The following UBE2D2 variants were observed in gnomAD, a reference collection of about 807,000 sequenced individuals.
UBE2D2 encodes ubiquitin-conjugating enzyme E2 D2.
Under a neutral mutation model 24.2 loss-of-function variants are expected in UBE2D2, and 2 were observed. That is an observed-to-expected ratio of 0.08 (90% CI 0.03 to 0.26). The LOEUF (loss-of-function observed/expected upper bound fraction) is 0.26. Ranked by LOEUF, UBE2D2 falls within the 10% of genes least tolerant of loss-of-function variation. The pLI, the probability that UBE2D2 is intolerant of heterozygous loss-of-function variation, is 1.00. For missense variants in UBE2D2, 44 were observed against 177.6 expected, an observed-to-expected ratio of 0.25 and a Z score of 4.28; for synonymous variants, 58 against 56.5, an observed-to-expected ratio of 1.03 and a Z score of -0.12.
At chr5:139,618,254 G>A (rs1335890751) in intron 5 of UBE2D2, among the ~76,000 whole-genome samples, 8 of 152,142 alleles carry the variant, frequency 5.3e-5, no homozygotes, top group Non-Finnish European at 1.2e-4. Context: ...GATTACAGGT[G>A]TGAGCCACTG....
intron 1 of UBE2D2, among the ~76,000 whole-genome samples, chr5:139,591,709 A>G (rs1753849784): frequency 6.6e-6 from 1 of 152,182 alleles, no homozygotes; most frequent in African/African-American, 2.4e-5. Flanking sequence ...AGTTACTAAT[A>G]TTTCCTGAGT....
chr5:139,589,403 T>C (rs1258682508), intron 1 of UBE2D2, among the ~76,000 whole-genome samples: 1 of 152,014 alleles, frequency 6.6e-6, no homozygotes, highest in Non-Finnish European at 1.5e-5. Context: ...TAACAAACAG[T>C]ACAAAAATTT....
intron 1 of UBE2D2, among the ~76,000 whole-genome samples, chr5:139,550,631 A>G (rs1161685235): frequency 7.2e-5 from 11 of 152,030 alleles, no homozygotes; most frequent in Admixed American, 6.6e-4. Context: ...CTTTGGGTAC[A>G]CACTGAGTTT....
intron 1 of UBE2D2, among the ~76,000 whole-genome samples, chr5:139,577,494 A>G (rs1268361477): frequency 2.0e-5 from 3 of 146,874 alleles, no homozygotes; most frequent in South Asian, 2.1e-4. Flanking sequence ...GCTCACTGCA[A>G]TCTCCGCCTC....
intron 1 of UBE2D2, among the ~76,000 whole-genome samples, chr5:139,533,852 G>C (rs983681861): frequency 6.8e-6 from 1 of 148,086 alleles, no homozygotes; most frequent in African/African-American, 2.5e-5. Context: ...GCAGGATATT[G>C]GCTCACAGCA....
intron 6 of UBE2D2, chr5:139,623,704 T>C: frequency 2.9e-6 from 1 of 347,714 alleles, no homozygotes; most frequent in Non-Finnish European, 5.3e-6. Context: ...TTGTTTGTTT[T>C]TTTTTGAGAC....
rs577549872 is a variant in UBE2D2 at position 139,531,196 on chromosome 5, AGGCCTGAAAGCAGGCCTG to A, written c.-64+4591_-64+4608del. 1.4e-4 allele frequency among the ~76,000 whole-genome samples: 21 copies of A among 152,364 alleles called. No homozygotes were observed. The South Asian group carries it at 3.5e-3, about 26-fold the overall frequency. Reference sequence around the variant, plus strand: ...AATCAAAGACAGGCAGCCCGGCACCAGGCCTGAAAGCAGGCCTGGGCCTGCCTGGCCTAAACCCAGTAG... The same window carrying A: ...AATCAAAGACAGGCAGCCCGGCACCAGGCCTGCCTGGCCTAAACCCAGTAG... On this transcript the variant is annotated intron_variant, in intron 1 of 6. Transcript: ENST00000511725.
At chr5:139,610,206 A>G (rs1035331640) in intron 2 of UBE2D2, among the ~76,000 whole-genome samples, 9 of 152,176 alleles carry the variant, frequency 5.9e-5, no homozygotes, top group African/African-American at 1.9e-4. Context: ...TGAAGAGTCT[A>G]CCATACGATA....
intron 1 of UBE2D2, among the ~76,000 whole-genome samples, chr5:139,598,376 C>T (rs993028671): frequency 6.6e-6 from 1 of 151,868 alleles, no homozygotes; most frequent in African/African-American, 2.4e-5. Context: ...CTTTTTGTCT[C>T]AAAAACCAAG....
At chr5:139,531,899 T>C (rs940437035) in intron 1 of UBE2D2, among the ~76,000 whole-genome samples, 13 of 151,204 alleles carry the variant, frequency 8.6e-5, no homozygotes, top group Non-Finnish European at 1.6e-4. Flanking sequence ...GGGTGGGAGG[T>C]TTGCTTGAAC....
At chr5:139,582,666 ATTTT>A (rs1195507116) in intron 1 of UBE2D2, among the ~76,000 whole-genome samples, 1 of 112,324 alleles carries the variant, frequency 8.9e-6, no homozygotes. Flanking sequence ...TTAGATTCGA[ATTTT>A]TTTTTTTTTT....
At chr5:139,532,512 C>T (rs1226921400) in intron 1 of UBE2D2, among the ~76,000 whole-genome samples, 5 of 152,154 alleles carry the variant, frequency 3.3e-5, no homozygotes, top group East Asian at 1.9e-4. Context: ...ACATCACACC[C>T]GGCTAATTTT....
intron 1 of UBE2D2, among the ~76,000 whole-genome samples, chr5:139,580,805 C>T (rs1753586227): frequency 6.6e-6 from 1 of 152,148 alleles, no homozygotes; most frequent in African/African-American, 2.4e-5. Flanking sequence ...CTGGTAGTCT[C>T]AGCTCACTCG....
intron 1 of UBE2D2, among the ~76,000 whole-genome samples, chr5:139,554,537 T>C (rs1752956867): frequency 6.6e-6 from 1 of 152,228 alleles, no homozygotes. Flanking sequence ...AGTGTTCCAT[T>C]GTTTGAATGT....
At chr5:139,603,336 C>T (rs1754120715) in intron 2 of UBE2D2, among the ~76,000 whole-genome samples, 1 of 152,092 alleles carries the variant, frequency 6.6e-6, no homozygotes, top group African/African-American at 2.4e-5. Flanking sequence ...AAATTGTTCC[C>T]TTTGGAGAGT....
intron 1 of UBE2D2, among the ~76,000 whole-genome samples, chr5:139,600,056 C>G (rs1754040780): frequency 6.6e-6 from 1 of 152,060 alleles, no homozygotes; most frequent in Non-Finnish European, 1.5e-5. Flanking sequence ...CCTCAGCCTC[C>G]CAAAGTGCTG....
chr5:139,610,720 A>T (rs1754300682), intron 2 of UBE2D2, among the ~76,000 whole-genome samples: 1 of 151,834 alleles, frequency 6.6e-6, no homozygotes, highest in Non-Finnish European at 1.5e-5. Context: ...AGAAAATAGA[A>T]AAATTAGCTG....
chr5:139,547,539 C>T (rs1299333306), intron 1 of UBE2D2, among the ~76,000 whole-genome samples: 2 of 150,452 alleles, frequency 1.3e-5, no homozygotes, highest in Non-Finnish European at 3.0e-5. Flanking sequence ...GAGATGGAGT[C>T]TTGCCTGTCA....
intron 1 of UBE2D2, among the ~76,000 whole-genome samples, chr5:139,544,878 G>C (rs1752805211): frequency 6.6e-6 from 1 of 151,844 alleles, no homozygotes; most frequent in Admixed American, 6.6e-5. Context: ...CCAGGTTCAA[G>C]CGATTCTCCT....
Sources: allele counts gnomAD v4.1 joint callset (sites outside exome capture counted in the v4.1 genomes callset), GRCh38; gene constraint gnomAD v4.1.1; transcripts MANE v1.5; gene names NCBI Gene and HGNC (gene_info 2026-07-23, HGNC 2026-07-21).